NIPBL: variants seen among roughly 807,000 people sequenced by gnomAD.
NIPBL encodes the protein nipped-B-like protein.
A neutral mutation model predicts 321.8 loss-of-function variants in NIPBL; 19 were observed. The observed-to-expected ratio is 0.06, with a 90% CI of 0.04 to 0.09. The LOEUF is 0.09. Ranked by LOEUF, NIPBL falls within the 10% of genes least tolerant of loss-of-function variation. The pLI is 1.00. For missense variants in NIPBL, 2,210 were observed against 3,327.0 expected (o/e 0.66, Z 8.26); for synonymous variants, 1,106 against 1,114.1 (o/e 0.99, Z 0.14).
chr5:37,033,123 A>G lies in NIPBL; in HGVS notation c.5863-3256A>G, dbSNP rs12658944. 1.0e-3 allele frequency among the ~76,000 whole-genome samples: 156 copies of G among 152,316 alleles called. 3 individuals carry two copies. The East Asian group carries it at 0.024, about 24-fold the overall frequency. ...ATTCAATATCCTTGAATGATTACTT[A>G]TAATAAACAAGGATACAATGTAAAT... On this transcript the variant is annotated intron_variant, in intron 32 of 46. Transcript: ENST00000282516.
intron 1 of NIPBL, among the ~76,000 whole-genome samples, chr5:36,896,713 C>T (rs1165568387): frequency 6.6e-6 from 1 of 152,120 alleles, no homozygotes. Context: ...GATTATTGTT[C>T]CTTAGCCTCC....
intron 44 of NIPBL, among the ~76,000 whole-genome samples, chr5:37,059,919 G>T (rs1340573600): frequency 6.6e-6 from 1 of 152,192 alleles, no homozygotes; most frequent in Non-Finnish European, 1.5e-5. Context: ...AGTCATTAAA[G>T]ATACCTCTTT....
chr5:37,030,205 C>T (rs986421793), intron 32 of NIPBL, among the ~76,000 whole-genome samples: 4 of 152,122 alleles, frequency 2.6e-5, no homozygotes, highest in Admixed American at 1.3e-4. Flanking sequence ...TATCTTTATT[C>T]TCTAGTCCCA....
At chr5:36,878,842 T>G (rs1371761254) in intron 1 of NIPBL, among the ~76,000 whole-genome samples, 1 of 152,130 alleles carries the variant, frequency 6.6e-6, no homozygotes, top group Non-Finnish European at 1.5e-5. Context: ...AGTTTGAATT[T>G]TAAAAAGCCT....
intron 24 of NIPBL, 130 bp downstream of exon 24, chr5:37,017,292 C>G (rs938454740): frequency 1.6e-5 from 14 of 880,388 alleles, no homozygotes; most frequent in Admixed American, 2.6e-5. Flanking sequence ...GTGGGCTTTT[C>G]AAAGCCCCAG....
intron 2 of NIPBL, among the ~76,000 whole-genome samples, chr5:36,954,402 G>A (rs1740717292): frequency 6.6e-6 from 1 of 152,142 alleles, no homozygotes; most frequent in Admixed American, 6.5e-5. Context: ...GGGTAAAATA[G>A]ATAACAGCCT....
intron 16 of NIPBL, 48 bp downstream of exon 16, chr5:37,003,395 A>T (rs1231129249): frequency 1.8e-6 from 2 of 1,092,950 alleles, no homozygotes; most frequent in East Asian, 4.8e-5. Flanking sequence ...TGTTATTAAG[A>T]TCTATAGTAG....
intron 46 of NIPBL, 105 bp downstream of exon 46, chr5:37,064,083 C>T: frequency 6.7e-7 from 1 of 1,489,452 alleles, no homozygotes; most frequent in South Asian, 1.4e-5. Flanking sequence ...TAATGTAATA[C>T]TTAAAAGAGA....
chr5:36,938,372 G>A (rs980603730), intron 1 of NIPBL, among the ~76,000 whole-genome samples: 1 of 152,024 alleles, frequency 6.6e-6, no homozygotes, highest in Non-Finnish European at 1.5e-5. Flanking sequence ...CACACCACGA[G>A]TGAGAAAGGG....
At chr5:36,934,635 G>C (rs769933955) in intron 1 of NIPBL, among the ~76,000 whole-genome samples, 5 of 152,078 alleles carry the variant, frequency 3.3e-5, no homozygotes, top group African/African-American at 4.8e-5. Flanking sequence ...AGAAATATTT[G>C]AGCACTAACA....
At chr5:37,012,480 T>TTG (rs1419685664) in intron 21 of NIPBL, among the ~76,000 whole-genome samples, 1 of 149,018 alleles carries the variant, frequency 6.7e-6, no homozygotes, top group Non-Finnish European at 1.5e-5. Flanking sequence ...TTTTTTTTTT[T>TTG]TATTCATTCT....
intron 9 of NIPBL, among the ~76,000 whole-genome samples, chr5:36,982,760 A>AC (rs1744287810): frequency 1.3e-5 from 2 of 151,878 alleles, no homozygotes; most frequent in Non-Finnish European, 2.9e-5. Flanking sequence ...ATCCTTTAAA[A>AC]ATCAGCCCTC....
At chr5:36,902,503 G>A (rs1316923750) in intron 1 of NIPBL, among the ~76,000 whole-genome samples, 5 of 151,946 alleles carry the variant, frequency 3.3e-5, no homozygotes, top group African/African-American at 1.2e-4. Flanking sequence ...TGAATAGAGA[G>A]TCCTTTCCCC....
intron 34 of NIPBL, among the ~76,000 whole-genome samples, chr5:37,041,512 G>A (rs1374650672): frequency 3.3e-5 from 5 of 151,040 alleles, no homozygotes; most frequent in African/African-American, 7.3e-5. Context: ...GATCTGCCCC[G>A]CCTTGGCCTC....
chr5:37,001,883 T>G (rs980234704), intron 14 of NIPBL, among the ~76,000 whole-genome samples: 1 of 152,178 alleles, frequency 6.6e-6, no homozygotes, highest in Non-Finnish European at 1.5e-5. Flanking sequence ...AAGTAAGTAT[T>G]TGTTTTGTGA....
chr5:36,955,506 T>C lies in NIPBL; in HGVS notation c.99T>C (p.Pro33=), dbSNP rs1232312013. ...AGCTGCCTCTTCCATCTCCTTTACC[T>C]GCTACAACTACAAAGAGCCTTCTCT... ...LNQLPLPSPL[P]ATTTKSLLFN... is the part of the protein sequence containing the mutation. The change falls in exon 3 of 47, where the codon CCT becomes CCC. Residue 33 remains proline (P), a synonymous_variant. Transcript: ENST00000282516. 1 of 1,614,012 alleles carries C rather than the reference T, an allele frequency of 6.2e-7. No individual in the cohort carries two copies. Among genetic ancestry groups the C allele is most frequent in the Admixed American group, 1.7e-5 (1 of 60,024 alleles).
intron 21 of NIPBL, among the ~76,000 whole-genome samples, chr5:37,010,861 T>C (rs990269455): frequency 3.9e-5 from 6 of 152,200 alleles, no homozygotes; most frequent in Admixed American, 3.9e-4. Context: ...ATGTAATATA[T>C]ATGCATGTTG....
intron 32 of NIPBL, 25 bp from the exon 33 acceptor site, chr5:37,036,354 T>C: frequency 2.0e-6 from 1 of 505,816 alleles, no homozygotes; most frequent in Non-Finnish European, 3.0e-6. Context: ...TATGTATATA[T>C]ATATATATAT....
intron 1 of NIPBL, among the ~76,000 whole-genome samples, chr5:36,939,810 A>G (rs952257340): frequency 3.9e-5 from 6 of 152,158 alleles, no homozygotes; most frequent in African/African-American, 1.2e-4. Context: ...TCTTCTTTTT[A>G]TCAGGAACCC....
Sources: gnomAD v4.1 joint callset for allele counts (sites outside exome capture counted in the v4.1 genomes callset) on GRCh38, gnomAD v4.1.1 for gene constraint, MANE v1.5 for transcripts, NCBI Gene and HGNC (gene_info 2026-07-23, HGNC 2026-07-21) for gene names.